The following PLCXD1 variants were observed in gnomAD, a reference collection of about 807,000 sequenced individuals.
PLCXD1 encodes PI-PLC X domain-containing protein 1.
A neutral mutation model predicts 37.8 loss-of-function variants in PLCXD1; 45 were observed. The ratio of observed to expected loss-of-function variants is 1.19; its 90% CI spans 0.94 to 1.53. The LOEUF (loss-of-function observed/expected upper bound fraction) is 1.53. PLCXD1 is among the 40% of genes most tolerant of loss of function. The pLI, the probability that PLCXD1 is intolerant of heterozygous loss-of-function variation, is 0.00. For synonymous variants in PLCXD1, 246 were observed against 206.9 expected (o/e 1.19, Z -1.62); for missense variants, 539 against 454.7 (o/e 1.19, Z -1.69).
chrX:293,098 G>T lies in PLCXD1; in HGVS notation c.613G>T (p.Glu205Ter). ...GQQVIVSYED[E>*]SSLRRHHELW... Reference sequence around the variant, plus strand: ...ACAGGTCATCGTCTCCTATGAAGACGAGAGCTCCTTGCGCCGGCACCACGA... The same window carrying T: ...ACAGGTCATCGTCTCCTATGAAGACTAGAGCTCCTTGCGCCGGCACCACGA... The change falls in exon 6 of 7, where the codon GAG becomes TAG. Residue 205 changes from glutamate to a stop codon, truncating the protein, a stop_gained. Coordinates refer to ENST00000381657, the MANE Select transcript of PLCXD1 (RefSeq NM_018390.4). LOFTEE classifies it high-confidence loss of function. The T allele has an allele frequency of 6.2e-7, 1 of 1,611,992 alleles. No homozygotes were observed.
chrX:294,468 T>G (rs1451766964), intron 6 of PLCXD1, among the ~76,000 whole-genome samples: 33 of 102,212 alleles, frequency 3.2e-4, no homozygotes, highest in East Asian at 9.2e-4. Context: ...GGCGACAGAG[T>G]GGAACTCTGT....
At chrX:287,381 A>G (rs28654072) in intron 2 of PLCXD1, among the ~76,000 whole-genome samples, 5,163 of 142,768 alleles carry the variant, frequency 0.036, 143 homozygotes, top group Non-Finnish European at 0.056. Context: ...ATACATATTT[A>G]TGCAAAAATA....
rs144273280 is a variant in PLCXD1 at position 294,205 on chromosome X, G to A, written c.733+987G>A. 4.5e-3 allele frequency among the ~76,000 whole-genome samples: 681 copies of A among 152,246 alleles called. 6 individuals carry two copies. The highest frequency in any genetic ancestry group is 0.015 in the African/African-American group (604 of 41,562). On this transcript the variant is annotated intron_variant, in intron 6 of 6. Transcript: ENST00000381657. ...ATACAAAAATTAGCGGGCACAGGCC[G>A]GGCGCGGTGGCTCACGCCTGTAATC...
Position 300,044 on chromosome X carries a change from C to G in PLCXD1, c.*709C>G, listed in dbSNP as rs2069953982. 1 of 133,864 alleles carries G rather than the reference C, an allele frequency of 7.5e-6. No homozygotes were observed. The highest frequency in any genetic ancestry group is 2.0e-4 in the East Asian group (1 of 4,884). The allele number at this position is 133,864 out of a possible 1,614,324, so 8.3% of individuals were successfully genotyped here. A position where few individuals can be genotyped will look rare whatever the true frequency, so the allele number is the denominator to read the frequency against. On this transcript the variant is annotated 3_prime_UTR_variant, in exon 7 of 7. Coordinates refer to ENST00000381657, the MANE Select transcript of PLCXD1 (RefSeq NM_018390.4). ...CTCCAGCCTGGGCGACAGAGCGAGACTCCATCTCAAAAAAAAAAAAAAAAA... is the reference window on the plus strand; with the variant it reads ...CTCCAGCCTGGGCGACAGAGCGAGAGTCCATCTCAAAAAAAAAAAAAAAAA...
chrX:294,152 A>G (rs2069724903), intron 6 of PLCXD1, among the ~76,000 whole-genome samples: 2 of 152,086 alleles, frequency 1.3e-5, no homozygotes, highest in South Asian at 4.1e-4. Flanking sequence ...AGCCTGGCCA[A>G]CATGGCGAAA....
intron 2 of PLCXD1, 112 bp downstream of exon 2, chrX:284,426 C>A: frequency 8.2e-7 from 1 of 1,226,814 alleles, no homozygotes; most frequent in Non-Finnish European, 1.2e-6. Flanking sequence ...TAGGAGCAAT[C>A]CTGGGTGTAG....
intron 2 of PLCXD1, among the ~76,000 whole-genome samples, chrX:288,351 T>C (rs1362719978): frequency 6.6e-6 from 1 of 151,032 alleles, no homozygotes; most frequent in Admixed American, 6.6e-5. Context: ...TCCCAGCTCC[T>C]GGGGGCTCCA....
Position 299,296 on chromosome X carries a change from T to C in PLCXD1, c.933T>C (p.Ser311=). 6.2e-7 allele frequency: 1 copy of C among 1,613,814 alleles called. No homozygotes were observed. The highest frequency in any genetic ancestry group is 1.1e-5 in the South Asian group (1 of 91,072). Residue 311 remains serine, a synonymous_variant, in exon 7 of 7, where the codon AGT becomes AGC. Transcript: ENST00000381657. ...GDFIGADGFV[S]DVIALNQKLL... ...TCATCGGCGCAGACGGCTTCGTCAG[T>C]GACGTCATCGCGCTCAATCAGAAGC...
chrX:287,678 T>TGTTTATGGATATAGATA (rs1436281443), intron 2 of PLCXD1, among the ~76,000 whole-genome samples: 1,792 of 139,136 alleles, frequency 0.013, 134 homozygotes, highest in East Asian at 0.024. Flanking sequence ...ATACTATATA[T>TGTTTATGGATATAGATA]CTTTGTTTAT....
intron 5 of PLCXD1, among the ~76,000 whole-genome samples, chrX:292,417 C>T (rs979725052): frequency 6.6e-6 from 1 of 151,838 alleles, no homozygotes; most frequent in African/African-American, 2.4e-5. Flanking sequence ...CGAGATCGCG[C>T]CACTGCATTC....
chrX:288,752 G>T lies in PLCXD1; in HGVS notation c.147G>T (p.Thr49=). 6.2e-7 allele frequency: 1 copy of T among 1,613,844 alleles called. No homozygotes were observed. The highest frequency in any genetic ancestry group is 8.5e-7 in the Non-Finnish European group (1 of 1,179,744). ...TCTCAGGGAGCCACGACACGATGAC[G>T]TACTGCCTGAACAAGAAGTCCCCCA... ...LSIPGSHDTM[T]YCLNKKSPIS... The change falls in exon 3 of 7, where the codon ACG becomes ACT. Residue 49 remains threonine (T), a synonymous_variant. Transcript: ENST00000381657.
intron 5 of PLCXD1, among the ~76,000 whole-genome samples, chrX:292,631 G>A (rs1462371070): frequency 6.7e-6 from 1 of 148,196 alleles, no homozygotes; most frequent in Non-Finnish European, 1.5e-5. Context: ...TTATTTATTT[G>A]AGAGGGAGTC....
intron 6 of PLCXD1, among the ~76,000 whole-genome samples, chrX:294,431 G>C (rs1052664240): frequency 1.3e-5 from 2 of 150,700 alleles, no homozygotes; most frequent in East Asian, 2.0e-4. Flanking sequence ...GCAGTGAGCC[G>C]AGATCACGCC....
At chrX:276,385 CGGCTGGAA>C (rs2069157488), upstream of PLCXD1, 1 of 152,308 alleles carries the variant, frequency 6.6e-6, no homozygotes, top group South Asian at 2.1e-4. Flanking sequence ...GGGATTCCAG[CGGCTGGAA>C]GGTGAGTGTG....
Position 293,022 on chromosome X carries a change from T to C in PLCXD1, c.550-13T>C, listed in dbSNP as rs2069685072. The C allele has an allele frequency of 6.3e-7, 1 of 1,597,444 alleles. No individual in the cohort carries two copies. Among genetic ancestry groups the C allele is most frequent in the African/African-American group, 1.3e-5 (1 of 74,656 alleles). Reference sequence around the variant, plus strand: ...CTCTCTCCCCTGCACCCCTTAACTCTGGTCCTTTGCAGGAGGTGCCGACAC... The same window carrying C: ...CTCTCTCCCCTGCACCCCTTAACTCCGGTCCTTTGCAGGAGGTGCCGACAC... On this transcript the variant is annotated splice_polypyrimidine_tract_variant and intron_variant, in intron 5 of 6. Transcript: ENST00000381657.
intron 1 of PLCXD1, chrX:283,369 G>A (rs1402457969): frequency 6.6e-6 from 1 of 152,104 alleles, no homozygotes; most frequent in Non-Finnish European, 1.5e-5. Flanking sequence ...GTGTTATACG[G>A]TGCCTGGAGG....
chrX:291,802 G>C, intron 5 of PLCXD1, 148 bp downstream of exon 5: 4 of 898,746 alleles, frequency 4.5e-6, no homozygotes, highest in Non-Finnish European at 5.4e-6. Flanking sequence ...CTCTCCCGCA[G>C]TGTGGGGGGC....
At chrX:286,509 G>C (rs770450050) in intron 2 of PLCXD1, among the ~76,000 whole-genome samples, 2 of 152,162 alleles carry the variant, frequency 1.3e-5, no homozygotes, top group East Asian at 1.9e-4. Flanking sequence ...TCTTTGGCCG[G>C]GAGCTTCGGC....
chrX:299,935 G>C lies in PLCXD1; in HGVS notation c.*600G>C, dbSNP rs66724450. 110,740 of 151,584 alleles carry C rather than the reference G, an allele frequency of 0.73. 41,647 individuals are homozygous for C. Among genetic ancestry groups the C allele is most frequent in the African/African-American group, 0.92 (37,528 of 40,862 alleles). 9.4% of individuals were successfully genotyped at this position (151,584 alleles called of 1,614,324 possible). A position where few individuals can be genotyped will look rare whatever the true frequency, so the allele number is the denominator to read the frequency against. On this transcript the variant is annotated 3_prime_UTR_variant, in exon 7 of 7. Coordinates refer to ENST00000381657, the MANE Select transcript of PLCXD1 (RefSeq NM_018390.4). ...TGGGTGCGTGATGGGCACCTGTAGTGCCAGCTACTCAGGAGGCTGAGGCAG... is the reference window on the plus strand; with the variant it reads ...TGGGTGCGTGATGGGCACCTGTAGTCCCAGCTACTCAGGAGGCTGAGGCAG...
Sources: gnomAD v4.1 joint callset for allele counts (sites outside exome capture counted in the v4.1 genomes callset) on GRCh38, gnomAD v4.1.1 for gene constraint, MANE v1.5 for transcripts, NCBI Gene and HGNC (gene_info 2026-07-23, HGNC 2026-07-21) for gene names.